Variants in HACD2 observed in about 807,000 individuals in gnomAD.
HACD2 encodes very-long-chain (3R)-3-hydroxyacyl-CoA dehydratase 2.
A neutral mutation model predicts 31.0 loss-of-function variants in HACD2; 15 were observed. The ratio of observed to expected loss-of-function variants is 0.48; its 90% CI spans 0.32 to 0.75. HACD2 has a LOEUF of 0.75. Among genes scored for constraint, HACD2 ranks in the 30% least tolerant of loss-of-function variants. The probability of loss-of-function intolerance (pLI) is 0.03; values close to 1 mark genes in which losing one functional copy is unlikely to be tolerated. For missense variants in HACD2, 283 were observed against 313.0 expected, an observed-to-expected ratio of 0.90 and a Z score of 0.72; for synonymous variants, 115 against 122.2, an observed-to-expected ratio of 0.94 and a Z score of 0.39.
At chr3:123,544,553 A>C (rs2056532477) in intron 3 of HACD2, among the ~76,000 whole-genome samples, 1 of 152,236 alleles carries the variant, frequency 6.6e-6, no homozygotes, top group Non-Finnish European at 1.5e-5. Flanking sequence ...TCTTGTTAGA[A>C]GATAAATCAA....
chr3:123,504,056 G>C (rs970720932), intron 4 of HACD2, among the ~76,000 whole-genome samples: 1 of 152,176 alleles, frequency 6.6e-6, no homozygotes, highest in Non-Finnish European at 1.5e-5. Flanking sequence ...TCAAGAGCAA[G>C]AGTACTTTCT....
chr3:123,502,765 G>A, intron 4 of HACD2, 84 bp from the exon 5 acceptor site: 2 of 1,432,078 alleles, frequency 1.4e-6, no homozygotes, highest in Non-Finnish European at 1.9e-6. Context: ...GAGCCAGGGA[G>A]TGAGTCGGCA....
intron 3 of HACD2, among the ~76,000 whole-genome samples, chr3:123,540,010 T>C (rs1191275959): frequency 7.0e-6 from 1 of 143,172 alleles, no homozygotes; most frequent in Non-Finnish European, 1.5e-5. Context: ...TCACTGAGCC[T>C]GAGTCTGAGG....
chr3:123,503,900 T>A (rs539747636), intron 4 of HACD2, among the ~76,000 whole-genome samples: 5 of 152,234 alleles, frequency 3.3e-5, no homozygotes, highest in Non-Finnish European at 7.3e-5. Flanking sequence ...TTAGCACTTA[T>A]GTTCTTCCTC....
intron 3 of HACD2, among the ~76,000 whole-genome samples, chr3:123,544,396 G>A (rs574380653): frequency 1.4e-4 from 22 of 152,180 alleles, no homozygotes; most frequent in Middle Eastern, 3.4e-3. Context: ...AACCCACACA[G>A]AACATTAAAT....
rs147550257 is a variant in HACD2, at chr3:123,568,713, T to C, written c.274-933A>G. ...AAGTAATTTGAAGCCATTTATAAGA[T>C]TGATTTAATGACCAAAGCTTTTCTA... On this transcript the variant is annotated intron_variant, in intron 2 of 6. Transcript: ENST00000383657. 3.6e-3 allele frequency among the ~76,000 whole-genome samples: 550 copies of C among 152,304 alleles called. 3 individuals are homozygous for C. Among genetic ancestry groups the C allele is most frequent in the African/African-American group, 0.013 (523 of 41,560 alleles).
chr3:123,559,326 CTTTCAAAATTTATCTAGAGGGAA>C (rs1248294896), intron 3 of HACD2, among the ~76,000 whole-genome samples: 4 of 152,172 alleles, frequency 2.6e-5, no homozygotes, highest in Non-Finnish European at 4.4e-5. Flanking sequence ...TCTGATGGGA[CTTTCAAAATTTATCTAGAGGGAA>C]AAAGGTAGTA....
In HACD2 at chr3:123,502,577, G is replaced by A. The variant is rs1199787316; in HGVS notation, c.486C>T (p.Tyr162=). Residue 162 remains tyrosine (Y), a synonymous_variant, in exon 5 of 7, where the codon TAC becomes TAT. Coordinates refer to ENST00000383657, the MANE Select transcript of HACD2 (RefSeq NM_198402.5). ...TTTTTTACCTGGCCCATTTGATGAG[G>A]TAAGGCAGATGGTTTAATAGACTGA... is the stretch of plus-strand genomic sequence containing the variant. ...YTFSLLNHLP[Y]LIKWARYTLF... 6.2e-7 allele frequency: 1 copy of A among 1,611,854 alleles called. No individual in the cohort carries two copies. Among genetic ancestry groups the A allele is most frequent in the African/African-American group, 1.3e-5 (1 of 74,896 alleles).
Position 123,493,153 on chromosome 3 carries a change from G to A in HACD2, c.*1735C>T, listed in dbSNP as rs1026946163. The A allele has an allele frequency of 2.0e-5, 3 of 152,204 alleles. No homozygotes were observed. Among genetic ancestry groups the A allele is most frequent in the African/African-American group, 4.8e-5 (2 of 41,452 alleles). The allele number at this position is 152,204 out of a possible 1,614,324, so 9.4% of individuals were successfully genotyped here. ...GTGGATCACGAGGTCAGGAGATCAA[G>A]ACCATCCTGGCTAACACGGTGAAAC... On this transcript the variant is annotated 3_prime_UTR_variant, in exon 7 of 7. Transcript: ENST00000383657.
intron 2 of HACD2, among the ~76,000 whole-genome samples, chr3:123,571,119 C>A (rs563201133): frequency 6.6e-6 from 1 of 152,258 alleles, no homozygotes; most frequent in East Asian, 1.9e-4. Flanking sequence ...ACTAAATATG[C>A]AAACTAGAAA....
chr3:123,571,017 A>T lies in HACD2; in HGVS notation c.274-3237T>A, dbSNP rs758635943. Among the ~76,000 whole-genome samples, 9 of 152,240 alleles carry T rather than the reference A, an allele frequency of 5.9e-5. No homozygotes were observed. The South Asian group carries it at 6.2e-4, about 11-fold the overall frequency. ...AAATACAATGAAATCCCTACATATC[A>T]TGTGTCTCCAATAATTTAATAATTG... On this transcript the variant is annotated intron_variant, in intron 2 of 6. Coordinates refer to ENST00000383657, the MANE Select transcript of HACD2 (RefSeq NM_198402.5).
At chr3:123,570,560 G>C (rs1011044276) in intron 2 of HACD2, among the ~76,000 whole-genome samples, 1 of 152,070 alleles carries the variant, frequency 6.6e-6, no homozygotes, top group Admixed American at 6.6e-5. Flanking sequence ...AGAAATTGAA[G>C]GAGTACATTA....
At chr3:123,537,556 C>T (rs3100787) in intron 3 of HACD2, among the ~76,000 whole-genome samples, 117,769 of 150,616 alleles carry the variant, frequency 0.78, 47,867 homozygotes, top group Non-Finnish European at 0.89. Context: ...ACAGTGAGAC[C>T]CTATCTCAAA....
chr3:123,574,746 T>A (rs2056891018), intron 2 of HACD2, among the ~76,000 whole-genome samples: 1 of 152,102 alleles, frequency 6.6e-6, no homozygotes, highest in African/African-American at 2.4e-5. Context: ...TACTCCCCCC[T>A]TGCCCCAAAA....
chr3:123,507,562 A>G (rs999892881), intron 4 of HACD2, among the ~76,000 whole-genome samples: 4 of 152,148 alleles, frequency 2.6e-5, no homozygotes, highest in African/African-American at 9.7e-5. Context: ...AGAAAAGACA[A>G]ATCTAGAGAC....
At chr3:123,522,348 A>AG (rs1553757549) in intron 4 of HACD2, among the ~76,000 whole-genome samples, 16 of 149,998 alleles carry the variant, frequency 1.1e-4, no homozygotes, top group South Asian at 4.2e-4. Context: ...AAAAAAAAAA[A>AG]AGAGAGAGAG....
At chr3:123,582,674 G>GA (rs914046495) in intron 1 of HACD2, among the ~76,000 whole-genome samples, 3 of 151,772 alleles carry the variant, frequency 2.0e-5, no homozygotes, top group Non-Finnish European at 4.4e-5. Context: ...TCTAAGACGA[G>GA]AAAAAAACAG....
intron 2 of HACD2, among the ~76,000 whole-genome samples, chr3:123,577,235 T>C (rs1368674646): frequency 6.6e-6 from 1 of 152,214 alleles, no homozygotes; most frequent in African/African-American, 2.4e-5. Flanking sequence ...ATAGCCTGTA[T>C]CAATCTCAAC....
At chr3:123,501,283 C>A (rs2055899130) in intron 5 of HACD2, among the ~76,000 whole-genome samples, 1 of 152,058 alleles carries the variant, frequency 6.6e-6, no homozygotes, top group South Asian at 2.1e-4. Context: ...ATCAAAACAC[C>A]CCACAATTAC....
Sources: allele counts gnomAD v4.1 joint callset (sites outside exome capture counted in the v4.1 genomes callset), GRCh38; gene constraint gnomAD v4.1.1; transcripts MANE v1.5; gene names NCBI Gene and HGNC (gene_info 2026-07-23, HGNC 2026-07-21).